Variants in DNM2 observed in about 807,000 individuals in gnomAD.
DNM2 encodes the protein dynamin-2.
DNM2 carries 15 observed loss-of-function variants against 99.0 expected under a neutral mutation model. The ratio of observed to expected loss-of-function variants is 0.15; its 90% CI spans 0.10 to 0.23. DNM2 has a LOEUF of 0.23. Among genes scored for constraint, DNM2 ranks in the 10% least tolerant of loss-of-function variants. The pLI is 1.00. For missense variants in DNM2, 742 were observed against 1,189.4 expected, an observed-to-expected ratio of 0.62 and a Z score of 5.53; for synonymous variants, 525 against 481.2, an observed-to-expected ratio of 1.09 and a Z score of -1.19.
chr19:10,800,034 T>G (rs1315480222), intron 11 of DNM2, among the ~76,000 whole-genome samples: 1 of 151,694 alleles, frequency 6.6e-6, no homozygotes, highest in Non-Finnish European at 1.5e-5. Context: ...TTTTTGTATT[T>G]TTAGTAGAGA....
At chr19:10,808,640 G>A (rs1022682578) in intron 14 of DNM2, 60 bp downstream of exon 14, 14 of 1,555,076 alleles carry the variant, frequency 9.0e-6, no homozygotes, top group East Asian at 4.5e-5. Flanking sequence ...TGGAGACCCC[G>A]CCCACCCCTA....
intron 1 of DNM2, among the ~76,000 whole-genome samples, chr19:10,731,600 C>T (rs573088248): frequency 6.6e-5 from 10 of 152,282 alleles, no homozygotes; most frequent in South Asian, 2.1e-4. Flanking sequence ...GTGATCCACC[C>T]GCCTCGGCCT....
intron 1 of DNM2, among the ~76,000 whole-genome samples, chr19:10,743,809 CAAAAAAAAAAAAAA>C (rs35999203): frequency 1.2e-4 from 4 of 32,630 alleles, no homozygotes; most frequent in African/African-American, 3.0e-4. Flanking sequence ...GACTCTGTCT[CAAAAAAAAAAAAAA>C]AAAAAAAAAA....
intron 1 of DNM2, among the ~76,000 whole-genome samples, chr19:10,757,583 T>A (rs11668706): frequency 0.36 from 55,399 of 151,902 alleles, 10,732 homozygotes; most frequent in Middle Eastern, 0.55. Context: ...AGCTGTACAG[T>A]ACCAATTGCC....
intron 15 of DNM2, among the ~76,000 whole-genome samples, chr19:10,815,522 G>C (rs1256470692): frequency 6.6e-6 from 1 of 152,198 alleles, no homozygotes; most frequent in Non-Finnish European, 1.5e-5. Flanking sequence ...CTGGCTCACT[G>C]CATGTGTCCC....
At chr19:10,822,661 G>T (rs1478135284) in intron 16 of DNM2, among the ~76,000 whole-genome samples, 1 of 151,820 alleles carries the variant, frequency 6.6e-6, no homozygotes, top group East Asian at 2.0e-4. Context: ...ACCACTCCCA[G>T]CTAATTTTTT....
chr19:10,819,838 C>A (rs547171305), intron 15 of DNM2, 142 bp from the exon 16 acceptor site: 2 of 771,220 alleles, frequency 2.6e-6, no homozygotes, highest in Non-Finnish European at 4.6e-6. Flanking sequence ...GGGGAAGGGC[C>A]GGCAGATGGG....
chr19:10,765,590 C>T lies in DNM2; in HGVS notation c.235+5779C>T, dbSNP rs2070773152. Reference sequence around the variant, plus strand: ...TGACACCTTCCCAGTGGCAATTTGTCCTGGACTGGGAGATATTTGCGTATT... The same window carrying T: ...TGACACCTTCCCAGTGGCAATTTGTTCTGGACTGGGAGATATTTGCGTATT... On this transcript the variant is annotated intron_variant, in intron 2 of 20. Transcript: ENST00000389253. This position sits in a 1 kb window ranked among gnomAD's most constrained non-coding sequence, Gnocchi z 4.4. Among the ~76,000 whole-genome samples, 1 of 152,184 alleles carries T rather than the reference C, an allele frequency of 6.6e-6. No homozygotes were observed. The highest frequency in any genetic ancestry group is 1.5e-5 in the Non-Finnish European group (1 of 68,032).
chr19:10,804,144 C>A (rs891915753), intron 12 of DNM2, among the ~76,000 whole-genome samples: 2 of 152,260 alleles, frequency 1.3e-5, no homozygotes, highest in South Asian at 4.1e-4. Flanking sequence ...TCCCCCAAGA[C>A]ACCAGGATGC....
At chr19:10,823,763 C>G in intron 16 of DNM2, 25 bp from the exon 17 acceptor site, 158 of 1,520,604 alleles carry the variant, frequency 1.0e-4, no homozygotes, top group Middle Eastern at 1.7e-4. Context: ...CAAGCTTGTG[C>G]CCCTCCTTCC....
intron 5 of DNM2, among the ~76,000 whole-genome samples, chr19:10,777,540 C>T (rs998596410): frequency 6.6e-6 from 1 of 152,122 alleles, no homozygotes; most frequent in Non-Finnish European, 1.5e-5. Flanking sequence ...GGGTTTATAA[C>T]TTTAATTAAT....
At chr19:10,794,923 A>G (rs918703713) in intron 8 of DNM2, among the ~76,000 whole-genome samples, 1 of 151,440 alleles carries the variant, frequency 6.6e-6, no homozygotes, top group African/African-American at 2.4e-5. Flanking sequence ...TTGTTTGTTT[A>G]TTTTTATTTT....
chr19:10,802,242 T>C, intron 11 of DNM2, 46 bp from the exon 12 acceptor site: 1 of 1,607,980 alleles, frequency 6.2e-7, no homozygotes, highest in Non-Finnish European at 8.5e-7. Flanking sequence ...TGCCCCCCCT[T>C]GCCAGGCTTG....
chr19:10,732,732 T>C (rs2145720028), intron 1 of DNM2, among the ~76,000 whole-genome samples: 1 of 152,124 alleles, frequency 6.6e-6, no homozygotes, highest in Non-Finnish European at 1.5e-5. Flanking sequence ...TATTTCTAGG[T>C]GTGACTACCC....
chr19:10,830,211 C>T lies in DNM2; in HGVS notation c.2376C>T (p.Pro792=), dbSNP rs781478890. The T allele has an allele frequency of 1.2e-6, 2 of 1,613,924 alleles. No individual in the cohort carries two copies. Among genetic ancestry groups the T allele is most frequent in the South Asian group, 1.1e-5 (1 of 91,080 alleles). Reference sequence around the variant, plus strand: ...TGAGGGGCCCCACTCCAGGGCCCCCCCTGATTCCTGTTCCCGTGGGGGCAG... The same window carrying T: ...TGAGGGGCCCCACTCCAGGGCCCCCTCTGATTCCTGTTCCCGTGGGGGCAG... ...PAVRGPTPGP[P]LIPVPVGAAA... The change falls in exon 20 of 21, where the codon CCC becomes CCT. Residue 792 remains proline (P), a synonymous_variant. Coordinates refer to ENST00000389253, the MANE Select transcript of DNM2 (RefSeq NM_001005361.3). The surrounding 1 kb of genome is among the most constrained non-coding windows in gnomAD (Gnocchi z 4.8).
chr19:10,797,676 A>G (rs2071986656), intron 10 of DNM2, among the ~76,000 whole-genome samples, 158 bp downstream of exon 10: 1 of 152,130 alleles, frequency 6.6e-6, no homozygotes, highest in Admixed American at 6.5e-5. Flanking sequence ...GGCAGATGGA[A>G]TGGGGGGAGT....
rs556551949 is a variant in DNM2, at chr19:10,725,901, G to A, written c.161+7498G>A. Among the ~76,000 whole-genome samples the A allele has an allele frequency of 1.9e-4, 29 of 152,132 alleles. No homozygotes were observed. The East Asian group carries it at 5.6e-3, about 29-fold the overall frequency. Reference sequence around the variant, plus strand: ...CCTGAGTAGCTGGGACTATAGGCATGAGCCACCACACCTGGCTAATTACAA... The same window carrying A: ...CCTGAGTAGCTGGGACTATAGGCATAAGCCACCACACCTGGCTAATTACAA... On this transcript the variant is annotated intron_variant, in intron 1 of 20. Transcript: ENST00000389253.
rs879391415 is a variant in DNM2 at position 10,787,929 on chromosome 19, C to CA, written c.992+1233dup. ...GGGTGATAGGGCAAGACTCCGTCTC[C>CA]AAAAAAAAAAGATGAGTGTTGGCCA... On this transcript the variant is annotated intron_variant, in intron 7 of 20. Transcript: ENST00000389253. Among the ~76,000 whole-genome samples, 249 of 141,778 alleles carry CA rather than the reference C, an allele frequency of 1.8e-3. 4 individuals carry two copies. The East Asian group carries it at 0.037, about 21-fold the overall frequency. 93.0% of individuals were successfully genotyped at this position (141,778 alleles called of 152,430 possible). A position where few individuals can be genotyped will look rare whatever the true frequency, so the allele number is the denominator to read the frequency against.
chr19:10,762,759 G>A (rs995020302), intron 2 of DNM2, among the ~76,000 whole-genome samples: 2 of 152,204 alleles, frequency 1.3e-5, no homozygotes, highest in Non-Finnish European at 2.9e-5. Context: ...GCCACCTCTT[G>A]GGGGAATGTG....
Sources: gnomAD v4.1 joint callset for allele counts (sites outside exome capture counted in the v4.1 genomes callset) on GRCh38, gnomAD v4.1.1 for gene constraint, Gnocchi (gnomAD v3.1) non-coding constraint, MANE v1.5 for transcripts, NCBI Gene and HGNC (gene_info 2026-07-23, HGNC 2026-07-21) for gene names.